Variants in FCHSD1 observed in about 807,000 individuals in gnomAD.
FCHSD1 encodes the protein FCH and double SH3 domains 1, also known as F-BAR and double SH3 domains protein 1.
Under a neutral mutation model 101.3 loss-of-function variants are expected in FCHSD1, and 109 were observed. That is an observed-to-expected ratio of 1.08 (90% confidence interval 0.92 to 1.26). The LOEUF is 1.26. FCHSD1 is among the 50% of genes most tolerant of loss of function. The pLI is 0.00. For synonymous variants in FCHSD1, 291 were observed against 356.8 expected (o/e 0.82, Z 2.08); for missense variants, 820 against 895.8 (o/e 0.92, Z 1.08).
Position 141,645,049 on chromosome 5 carries a change from A to G in FCHSD1, c.1411T>C (p.Cys471Arg), listed in dbSNP as rs746392666. ...PQALATRALPCPAHVVFRYQA... is the reference protein window; with the variant it reads ...PQALATRALPRPAHVVFRYQA... ...TAGCGAAATACCACGTGTGCAGGGC[A>G]GGGGAGGGCCCTCGTGGCCAGGGCT... The change falls in exon 14 of 20, where the codon TGC (cysteine) becomes CGC (arginine). Residue 471 changes from cysteine to arginine, a missense_variant. Coordinates refer to ENST00000435817, the MANE Select transcript of FCHSD1 (RefSeq NM_033449.3). 1.2e-5 allele frequency: 20 copies of G among 1,602,656 alleles called. No homozygotes were observed. In the South Asian group the frequency reaches 2.2e-4, roughly 18 times the overall value.
chr5:141,640,064 G>C lies in FCHSD1; in HGVS notation c.*1434C>G, dbSNP rs199675831. The C allele has an allele frequency of 5.4e-5, 87 of 1,613,456 alleles. No homozygotes were observed. Among genetic ancestry groups the C allele is most frequent in the Admixed American group, 8.3e-5 (5 of 59,986 alleles). On this transcript the variant is annotated 3_prime_UTR_variant, in exon 20 of 20. Coordinates refer to ENST00000435817, the MANE Select transcript of FCHSD1 (RefSeq NM_033449.3). ...GGGGAGGGCAGCCCAAGGCAGGGAT[G>C]CCTGCCATGGAGAGGCTGCCCCCTG...
Position 141,644,416 on chromosome 5 carries a change from G to A in FCHSD1, c.1665C>T (p.Tyr555=), listed in dbSNP as rs1213438731. 2.5e-6 allele frequency: 4 copies of A among 1,613,844 alleles called. No homozygotes were observed. In the East Asian group the frequency reaches 6.7e-5, roughly 27 times the overall value. The change falls in exon 17 of 20, where the codon TAC becomes TAT. Residue 555 remains tyrosine (Y), a synonymous_variant. Transcript: ENST00000435817. ...EPTAFLAQAL[Y]SYTGQSAEEL... ...CCTCTGCACTCTGTCCGGTGTAGCT[G>A]TACAGGGCCTGTGCCAGGAATGCTA... is the stretch of plus-strand genomic sequence containing the variant.
Position 141,645,927 on chromosome 5 carries a change from G to C in FCHSD1, c.1155C>G (p.Ser385Arg), listed in dbSNP as rs2099907602. ...VRESIRRAQVSQVKGAARLAL... is the reference protein window; with the variant it reads ...VRESIRRAQVRQVKGAARLAL... Reference sequence around the variant, plus strand: ...CCAGCCGGGCAGCCCCCTTCACCTGGCTCACCTGCCATGGGGAGGAAGTAA... The same window carrying C: ...CCAGCCGGGCAGCCCCCTTCACCTGCCTCACCTGCCATGGGGAGGAAGTAA... Residue 385 changes from serine (S) to arginine (R), a missense_variant, in exon 13 of 20, where the codon AGC (serine) becomes AGG (arginine). Transcript: ENST00000435817. The C allele has an allele frequency of 1.9e-6, 3 of 1,564,794 alleles. No individual in the cohort carries two copies. In the East Asian group the frequency reaches 7.1e-5, roughly 37 times the overall value.
chr5:141,644,263 C>G lies in FCHSD1; in HGVS notation c.1818G>C (p.Glu606Asp). Residue 606 changes from glutamate (E) to aspartate (D), a missense_variant, in exon 17 of 20, where the codon GAG becomes GAC. Transcript: ENST00000435817. Reference protein sequence around the residue: ...VGVFPSLLVEELLGPPGPPEL... With the variant: ...VGVFPSLLVEDLLGPPGPPEL... Reference sequence around the variant, plus strand: ...CAGGTGGCCCTGGGGGGCCAAGCAGCTCTTCCACCAGCAGGGAGGGGAAGA... The same window carrying G: ...CAGGTGGCCCTGGGGGGCCAAGCAGGTCTTCCACCAGCAGGGAGGGGAAGA... The G allele has an allele frequency of 3.7e-6, 6 of 1,613,468 alleles. No homozygotes were observed. Among genetic ancestry groups the G allele is most frequent in the East Asian group, 2.2e-5 (1 of 44,870 alleles).
Position 141,649,872 on chromosome 5 carries a change from C to G in FCHSD1, c.233+15G>C, listed in dbSNP as rs926914940. 2 of 1,544,712 alleles carry G rather than the reference C, an allele frequency of 1.3e-6. No homozygotes were observed. Reference sequence around the variant, plus strand: ...CTTTTTGGCCTCTGTGGCCCTCCCCCTCCATAGGGCCCACCTGCTGTCCAT... The same window carrying G: ...CTTTTTGGCCTCTGTGGCCCTCCCCGTCCATAGGGCCCACCTGCTGTCCAT... On this transcript the variant is annotated intron_variant, in intron 4 of 19. Transcript: ENST00000435817. The surrounding 1 kb of genome is among the most constrained non-coding windows in gnomAD (Gnocchi z 4.1).
chr5:141,649,061 G>A lies in FCHSD1; in HGVS notation c.513-41C>T. 6.2e-7 allele frequency: 1 copy of A among 1,613,850 alleles called. No individual in the cohort carries two copies. Among genetic ancestry groups the A allele is most frequent in the African/African-American group, 1.3e-5 (1 of 74,998 alleles). On this transcript the variant is annotated intron_variant, in intron 6 of 19. Transcript: ENST00000435817. This position sits in a 1 kb window ranked among gnomAD's most constrained non-coding sequence, Gnocchi z 4.1. ...AAAGGAGTCAGGCCCACCCCAAGTG[G>A]GAGAATATGAGATCAGAGTCAGGCC... is the stretch of plus-strand genomic sequence containing the variant.
chr5:141,642,500 G>A (rs368341462), intron 18 of FCHSD1: 13 of 597,148 alleles, frequency 2.2e-5, no homozygotes, highest in Non-Finnish European at 3.8e-5. Flanking sequence ...TGTACCTCCT[G>A]AATCTAAAAT....
chr5:141,647,162 C>G lies in FCHSD1; in HGVS notation c.897G>C (p.Gln299His). 3 of 1,609,498 alleles carry G rather than the reference C, an allele frequency of 1.9e-6. No homozygotes were observed. The change falls in exon 10 of 20, where the codon CAG becomes CAC. Residue 299 changes from glutamine to histidine, a missense_variant. By Grantham distance (24) the Gln-to-His change is conservative. Transcript: ENST00000435817. ...EPGVFSPTPP[Q>H]QFQPAGTDQV... ...GATCAGTCCCTGCTGGCTGAAACTG[C>G]TGAGGTGGGGTGGGGGAAAATACAC...
In FCHSD1 at chr5:141,640,463, C is replaced by T; in HGVS notation, c.*1035G>A. The T allele has an allele frequency of 6.2e-7, 1 of 1,614,078 alleles. No individual in the cohort carries two copies. Among genetic ancestry groups the T allele is most frequent in the South Asian group, 1.1e-5 (1 of 91,086 alleles). Reference sequence around the variant, plus strand: ...TATGTGAGGTGAGTCTGCCTGAGCCCTAAATGAGGTAATCTCATCTTCCCA... The same window carrying T: ...TATGTGAGGTGAGTCTGCCTGAGCCTTAAATGAGGTAATCTCATCTTCCCA... On this transcript the variant is annotated 3_prime_UTR_variant, in exon 20 of 20. Coordinates refer to ENST00000435817, the MANE Select transcript of FCHSD1 (RefSeq NM_033449.3).
At chr5:141,643,443 G>A (rs2154598347) in intron 17 of FCHSD1, among the ~76,000 whole-genome samples, 1 of 152,292 alleles carries the variant, frequency 6.6e-6, no homozygotes, top group Non-Finnish European at 1.5e-5. Context: ...GCAGAGTGCT[G>A]GCTAGAACCC....
chr5:141,641,176 G>T lies in FCHSD1; in HGVS notation c.*322C>A, dbSNP rs910125612. ...GTGGGGTGGGTCATGGAGCCAGGGT[G>T]GGGAAAGAGGTGGGCCAGAACTACT... is the stretch of plus-strand genomic sequence containing the variant. On this transcript the variant is annotated 3_prime_UTR_variant, in exon 20 of 20. Transcript: ENST00000435817. 5.8e-6 allele frequency: 2 copies of T among 346,744 alleles called. No individual in the cohort carries two copies. The highest frequency in any genetic ancestry group is 1.0e-5 in the Non-Finnish European group (2 of 191,900). 21.5% of individuals were successfully genotyped at this position (346,744 alleles called of 1,614,324 possible).
Position 141,639,465 on chromosome 5 carries a change from G to A in FCHSD1, c.*2033C>T. 3 of 1,610,230 alleles carry A rather than the reference G, an allele frequency of 1.9e-6. No homozygotes were observed. The highest frequency in any genetic ancestry group is 4.5e-5 in the East Asian group (2 of 44,776). On this transcript the variant is annotated 3_prime_UTR_variant, in exon 20 of 20. Transcript: ENST00000435817. The surrounding 1 kb of genome is among the most constrained non-coding windows in gnomAD (Gnocchi z 4.4). ...ACTCCCCTCCTCCCTGCTGTCCAGT[G>A]TGGATGCCACCTCCAGCCTGCAGGA... is the stretch of plus-strand genomic sequence containing the variant.
rs368535465 is a variant in FCHSD1, at chr5:141,645,807, A to T, written c.1275T>A (p.Ser425Arg). Residue 425 changes from serine (S) to arginine (R), a missense_variant, in exon 13 of 20, where the codon AGT becomes AGA. Transcript: ENST00000435817. ...QDEVEQERRL[S>R]EARLSQRDLS... The stretch of plus-strand genomic sequence containing the variant: ...GGTCCCTCTGGGACAGCCGAGCCTC[A>T]CTGAGCCGCCGCTCCTGCTCCACCT... The T allele has an allele frequency of 6.2e-7, 1 of 1,610,118 alleles. No individual in the cohort carries two copies. The highest frequency in any genetic ancestry group is 8.5e-7 in the Non-Finnish European group (1 of 1,178,544).
At chr5:141,643,219 T>TGGGGGGG (rs10699129) in intron 17 of FCHSD1, 131 bp from the exon 18 acceptor site, 2 of 565,814 alleles carry the variant, frequency 3.5e-6, no homozygotes, top group Non-Finnish European at 5.9e-6. Flanking sequence ...TTGCATTCGG[T>TGGGGGGG]GGGGGGGTGT....
chr5:141,649,548 A>T lies in FCHSD1; in HGVS notation c.234-12T>A. ...ACACTGTCCTGCCCCTCCCCAGAGA[A>T]GGTCTGTGTTGAGGAGGAGAGCACT... On this transcript the variant is annotated splice_polypyrimidine_tract_variant and intron_variant, in intron 4 of 19. Coordinates refer to ENST00000435817, the MANE Select transcript of FCHSD1 (RefSeq NM_033449.3). The surrounding 1 kb of genome is among the most constrained non-coding windows in gnomAD (Gnocchi z 4.1). 6.2e-7 allele frequency: 1 copy of T among 1,609,040 alleles called. No homozygotes were observed. Among genetic ancestry groups the T allele is most frequent in the Non-Finnish European group, 8.5e-7 (1 of 1,178,404 alleles).
Position 141,639,314 on chromosome 5 carries a change from ATTGAGT to A in FCHSD1, c.*2178_*2183del, listed in dbSNP as rs1022060011. On this transcript the variant is annotated 3_prime_UTR_variant, in exon 20 of 20. Transcript: ENST00000435817. This position sits in a 1 kb window ranked among gnomAD's most constrained non-coding sequence, Gnocchi z 4.4. ...AACATATGGTCACTAACATCTTAAT[ATTGAGT>A]TTATTAGATAAAGACAAGAAAAAAT... 3 of 648,618 alleles carry A rather than the reference ATTGAGT, an allele frequency of 4.6e-6. No homozygotes were observed. In the African/African-American group the frequency reaches 5.5e-5, roughly 12 times the overall value. 40.2% of individuals were successfully genotyped at this position (648,618 alleles called of 1,614,324 possible).
chr5:141,640,142 C>G lies in FCHSD1; in HGVS notation c.*1356G>C. The G allele has an allele frequency of 6.2e-7, 1 of 1,614,120 alleles. No individual in the cohort carries two copies. Among genetic ancestry groups the G allele is most frequent in the Non-Finnish European group, 8.5e-7 (1 of 1,179,982 alleles). On this transcript the variant is annotated 3_prime_UTR_variant, in exon 20 of 20. Coordinates refer to ENST00000435817, the MANE Select transcript of FCHSD1 (RefSeq NM_033449.3). ...GCCCCCCAGTACAGAATGGAGGACT[C>G]AGGGACAGCAGCCTAACCCCTCGTG...
At chr5:141,651,304 G>T (rs777683723) in intron 1 of FCHSD1, 44 bp downstream of exon 1, 32 of 1,551,558 alleles carry the variant, frequency 2.1e-5, no homozygotes, top group Non-Finnish European at 2.7e-5. Flanking sequence ...AGCTCCCTCC[G>T]TTCCCCCAGC....
At chr5:141,644,482 G>C (rs779155475) in intron 16 of FCHSD1, 44 bp from the exon 17 acceptor site, 43 of 1,607,946 alleles carry the variant, frequency 2.7e-5, no homozygotes, top group Non-Finnish European at 3.5e-5. Context: ...GTGGGTAGCA[G>C]TGCCCCAGGA....
Sources: gnomAD v4.1 joint callset for allele counts (sites outside exome capture counted in the v4.1 genomes callset) on GRCh38, gnomAD v4.1.1 for gene constraint, Gnocchi (gnomAD v3.1) non-coding constraint, MANE v1.5 for transcripts, NCBI Gene and HGNC (gene_info 2026-07-23, HGNC 2026-07-21) for gene names.